LYZ: variants seen among roughly 807,000 people sequenced by gnomAD.
The protein encoded by LYZ is lysozyme C.
LYZ carries 18 observed loss-of-function variants against 15.8 expected under a neutral mutation model. The observed-to-expected ratio is 1.14, with a 90% CI of 0.79 to 1.69. The LOEUF (loss-of-function observed/expected upper bound fraction) is 1.69, where lower values mean the gene tolerates loss of function less well. LYZ is among the 40% of genes most tolerant of loss of function. The probability of loss-of-function intolerance (pLI) is 0.00; values close to 1 mark genes in which losing one functional copy is unlikely to be tolerated. For missense variants in LYZ, 139 were observed against 182.8 expected, an observed-to-expected ratio of 0.76 and a Z score of 1.38; for synonymous variants, 60 against 61.7, an observed-to-expected ratio of 0.97 and a Z score of 0.13.
At chr12:69,349,078 T>G (rs577697172) in intron 1 of LYZ, among the ~76,000 whole-genome samples, 11 of 152,308 alleles carry the variant, frequency 7.2e-5, no homozygotes, top group African/African-American at 2.6e-4. Flanking sequence ...CTCAGCTCAC[T>G]GCAACCTCTG....
intron 2 of LYZ, 53 bp from the exon 3 acceptor site, chr12:69,352,167 A>G: frequency 7.5e-7 from 1 of 1,340,116 alleles, no homozygotes; most frequent in East Asian, 2.4e-5. Flanking sequence ...CTAAACCTAA[A>G]TTTAAAATAA....
intron 2 of LYZ, among the ~76,000 whole-genome samples, chr12:69,351,888 T>G (rs1193686811): frequency 1.3e-5 from 2 of 152,238 alleles, no homozygotes; most frequent in Non-Finnish European, 2.9e-5. Context: ...GTGCATTTCT[T>G]ATTTCTTTTG....
intron 1 of LYZ, among the ~76,000 whole-genome samples, chr12:69,349,051 G>A (rs1874785768): frequency 1.3e-5 from 2 of 152,028 alleles, no homozygotes; most frequent in Admixed American, 6.6e-5. Context: ...GCCCAGGCTG[G>A]AGTGCAGTGG....
chr12:69,350,315 G>A (rs1874815405), intron 2 of LYZ, 43 bp downstream of exon 2: 1 of 1,602,556 alleles, frequency 6.2e-7, no homozygotes, highest in African/African-American at 1.3e-5. Flanking sequence ...ATACTTACAA[G>A]AATTGAGACT....
intron 2 of LYZ, among the ~76,000 whole-genome samples, chr12:69,351,185 A>G (rs1367341722): frequency 2.6e-5 from 4 of 152,158 alleles, no homozygotes; most frequent in Non-Finnish European, 4.4e-5. Flanking sequence ...TAAATAACAA[A>G]TTAACTTAAG....
Position 69,352,179 on chromosome 12 carries a change from A to G in LYZ, c.302-41A>G, listed in dbSNP as rs1874856022. The G allele has an allele frequency of 2.8e-6, 4 of 1,406,060 alleles. No homozygotes were observed. In the African/African-American group the frequency reaches 4.3e-5, roughly 15 times the overall value. 87.1% of individuals were successfully genotyped at this position (1,406,060 alleles called of 1,614,324 possible). A position where few individuals can be genotyped will look rare whatever the true frequency, so the allele number is the denominator to read the frequency against. On this transcript the variant is annotated intron_variant, in intron 2 of 3. Coordinates refer to ENST00000261267, the MANE Select transcript of LYZ (RefSeq NM_000239.3). Reference sequence around the variant, plus strand: ...TGGCTAAACCTAAATTTAAAATAAAATATCTATTAAAGTTTTTATTCCTTA... The same window carrying G: ...TGGCTAAACCTAAATTTAAAATAAAGTATCTATTAAAGTTTTTATTCCTTA...
At chr12:69,352,404 G>A in intron 3 of LYZ, 106 bp downstream of exon 3, 1 of 799,690 alleles carries the variant, frequency 1.3e-6, no homozygotes, top group Non-Finnish European at 2.1e-6. Context: ...CCTCAAAATT[G>A]CAGCTTTTGG....
In LYZ at chr12:69,350,167, G is replaced by A; in HGVS notation, c.196G>A (p.Gly66Arg). ...CACACGAGCTACAAACTACAATGCT[G>A]GAGACAGAAGCACTGATTATGGGAT... ...YNTRATNYNA[G>R]DRSTDYGIFQ... Residue 66 changes from glycine (G) to arginine (R), a missense_variant, in exon 2 of 4, where the codon GGA becomes AGA. Gly to Arg is a moderately radical substitution (Grantham distance 125). Transcript: ENST00000261267. The A allele has an allele frequency of 6.2e-7, 1 of 1,614,090 alleles. No individual in the cohort carries two copies. The highest frequency in any genetic ancestry group is 8.5e-7 in the Non-Finnish European group (1 of 1,179,990).
chr12:69,350,059 A>G (rs531950211), intron 1 of LYZ, 49 bp from the exon 2 acceptor site: 49 of 1,523,260 alleles, frequency 3.2e-5, no homozygotes, highest in South Asian at 2.8e-4. Context: ...GCTATAGAGT[A>G]TAAGTCACTT....
In LYZ at chr12:69,348,663, A is replaced by G. The variant is rs538672759; in HGVS notation, c.136+119A>G. ...ATGTTTTATTTCTTTGTGGGTTTGT[A>G]TACTTACAATGGCTAAAAACATCAG... is the stretch of plus-strand genomic sequence containing the variant. On this transcript the variant is annotated intron_variant, in intron 1 of 3. Transcript: ENST00000261267. The G allele has an allele frequency of 1.9e-5, 23 of 1,240,042 alleles. No individual in the cohort carries two copies. In the South Asian group the frequency reaches 2.3e-4, roughly 12 times the overall value. 76.8% of individuals were successfully genotyped at this position (1,240,042 alleles called of 1,614,324 possible).
rs754436138 is a variant in LYZ, at chr12:69,353,219, A to C, written c.447A>C (p.Ter149TyrextTer18). The C allele has an allele frequency of 5.6e-6, 9 of 1,613,282 alleles. No individual in the cohort carries two copies. Among genetic ancestry groups the C allele is most frequent in the Non-Finnish European group, 7.6e-6 (9 of 1,179,374 alleles). ...VRQYVQGCGV[*>Y] ...AGTATGTTCAAGGTTGTGGAGTGTA[A>C]CTCCAGAATTTTCCTTCTTCAGCTC... The change falls in exon 4 of 4, where the codon TAA becomes TAC. Residue 149 changes from the stop codon to tyrosine (Y), a stop_lost. Coordinates refer to ENST00000261267, the MANE Select transcript of LYZ (RefSeq NM_000239.3).
chr12:69,353,116 T>G, intron 3 of LYZ, 37 bp from the exon 4 acceptor site: 4 of 1,469,546 alleles, frequency 2.7e-6, no homozygotes, highest in Admixed American at 1.7e-5. Flanking sequence ...GAAGATATGT[T>G]TTAACCTTTC....
At position 69,353,323 on chromosome 12, in the gene LYZ, T is replaced by C; in HGVS notation, c.*104T>C. On this transcript the variant is annotated 3_prime_UTR_variant, in exon 4 of 4. Transcript: ENST00000261267. ...CATTATTTCCCCTTCAAACAAATAA[T>C]ATTTTTACAGAAGCAGGAGCAAAAT... is the stretch of plus-strand genomic sequence containing the variant. 2 of 946,452 alleles carry C rather than the reference T, an allele frequency of 2.1e-6. No individual in the cohort carries two copies. Among genetic ancestry groups the C allele is most frequent in the Non-Finnish European group, 3.5e-6 (2 of 573,786 alleles). 58.6% of individuals were successfully genotyped at this position (946,452 alleles called of 1,614,324 possible).
chr12:69,350,072 T>G (rs769357949), intron 1 of LYZ, 36 bp from the exon 2 acceptor site: 1 of 1,590,862 alleles, frequency 6.3e-7, no homozygotes, highest in South Asian at 1.1e-5. Flanking sequence ...AGTCACTTAG[T>G]GTTGCTGTTT....
chr12:69,353,002 A>G (rs1007606005), intron 3 of LYZ, 151 bp from the exon 4 acceptor site: 7 of 692,698 alleles, frequency 1.0e-5, no homozygotes, highest in Admixed American at 2.1e-5. Context: ...TTTTGTATAC[A>G]TATCTTCATT....
At chr12:69,352,894 G>A (rs1874872471) in intron 3 of LYZ, among the ~76,000 whole-genome samples, 1 of 151,906 alleles carries the variant, frequency 6.6e-6, no homozygotes, top group Non-Finnish European at 1.5e-5. Context: ...AAATAAATGT[G>A]GAATTCACTT....
In LYZ at chr12:69,353,532, A is replaced by T; in HGVS notation, c.*313A>T. 1 of 250,468 alleles carries T rather than the reference A, an allele frequency of 4.0e-6. No homozygotes were observed. The highest frequency in any genetic ancestry group is 7.0e-6 in the Non-Finnish European group (1 of 142,896). The allele number at this position is 250,468 out of a possible 1,614,324, so 15.5% of individuals were successfully genotyped here. A position where few individuals can be genotyped will look rare whatever the true frequency, so the allele number is the denominator to read the frequency against. ...TTGAGACAGTCTCGCTCTGTCGCCC[A>T]GGCTGGAGTGCAGTGGCGCAATCTC... is the stretch of plus-strand genomic sequence containing the variant. On this transcript the variant is annotated 3_prime_UTR_variant, in exon 4 of 4. Coordinates refer to ENST00000261267, the MANE Select transcript of LYZ (RefSeq NM_000239.3).
intron 2 of LYZ, 50 bp from the exon 3 acceptor site, chr12:69,352,170 T>G: frequency 1.5e-6 from 2 of 1,356,042 alleles, no homozygotes; most frequent in East Asian, 2.4e-5. Context: ...AACCTAAATT[T>G]AAAATAAAAT....
chr12:69,352,299 G>A lies in LYZ; in HGVS notation c.380+1G>A. 1 of 1,610,976 alleles carries A rather than the reference G, an allele frequency of 6.2e-7. No homozygotes were observed. On this transcript the variant is annotated splice_donor_variant, in intron 3 of 3. Transcript: ENST00000261267. LOFTEE classifies it high-confidence loss of function. ...GTGATCCACAAGGCATTAGAGCATG[G>A]TATGTTTTAAGTGTTAAAAGGGAAA...
Sources: allele counts gnomAD v4.1 joint callset (sites outside exome capture counted in the v4.1 genomes callset), GRCh38; gene constraint gnomAD v4.1.1; transcripts MANE v1.5; gene names NCBI Gene and HGNC (gene_info 2026-07-23, HGNC 2026-07-21).